LRRTM4: variants seen among roughly 807,000 people sequenced by gnomAD.
The protein encoded by LRRTM4 is leucine rich repeat transmembrane neuronal 4.
Under a neutral mutation model 47.6 loss-of-function variants are expected in LRRTM4, and 25 were observed. The observed-to-expected ratio is 0.53, with a 90% CI of 0.38 to 0.73. The LOEUF (loss-of-function observed/expected upper bound fraction) is 0.73. Among genes scored for constraint, LRRTM4 ranks in the 30% least tolerant of loss-of-function variants. LRRTM4 has a pLI of 0.00. For missense variants in LRRTM4, 638 were observed against 713.4 expected, an observed-to-expected ratio of 0.89 and a Z score of 1.20; for synonymous variants, 311 against 269.5, an observed-to-expected ratio of 1.15 and a Z score of -1.51.
rs573971006 is a variant in LRRTM4 at position 77,400,214 on chromosome 2, T to C, written c.1551+118104A>G. ...GACTTGGTAACATGATACCGTATTCTTTTTTTTCTCCATTCTAAATATTCC... is the reference window on the plus strand; with the variant it reads ...GACTTGGTAACATGATACCGTATTCCTTTTTTTCTCCATTCTAAATATTCC... On this transcript the variant is annotated intron_variant, in intron 3 of 3. Coordinates refer to ENST00000409884, the MANE Select transcript of LRRTM4 (RefSeq NM_001134745.3). Among the ~76,000 whole-genome samples, 8 of 151,310 alleles carry C rather than the reference T, an allele frequency of 5.3e-5. No individual in the cohort carries two copies. The South Asian group carries it at 1.5e-3, about 27-fold the overall frequency.
At chr2:77,074,299 G>A (rs1226766542) in intron 3 of LRRTM4, among the ~76,000 whole-genome samples, 1 of 152,024 alleles carries the variant, frequency 6.6e-6, no homozygotes, top group Non-Finnish European at 1.5e-5. Flanking sequence ...GTGTTCTTGG[G>A]CATTTGTACA....
chr2:77,176,930 C>T (rs1293817321), intron 3 of LRRTM4, among the ~76,000 whole-genome samples: 1 of 152,056 alleles, frequency 6.6e-6, no homozygotes, highest in Non-Finnish European at 1.5e-5. Context: ...AATTATAATA[C>T]ATTAATATAA....
chr2:76,961,851 A>G (rs1208935117), intron 3 of LRRTM4, among the ~76,000 whole-genome samples: 3 of 151,386 alleles, frequency 2.0e-5, no homozygotes, highest in African/African-American at 4.8e-5. Context: ...TGCTTTGTCA[A>G]TATTTAAAGC....
chr2:77,115,579 C>T (rs11679620), intron 3 of LRRTM4, among the ~76,000 whole-genome samples: 63,606 of 151,924 alleles, frequency 0.42, 14,013 homozygotes, highest in Middle Eastern at 0.52. Context: ...TCCCTCCGTT[C>T]GGGGTCCCTG....
intron 3 of LRRTM4, among the ~76,000 whole-genome samples, chr2:76,966,732 T>A (rs1676037049): frequency 6.6e-6 from 1 of 151,546 alleles, no homozygotes. Context: ...AATGACAATC[T>A]AATTACCAAT....
intron 3 of LRRTM4, among the ~76,000 whole-genome samples, chr2:76,909,668 T>A (rs1673978544): frequency 6.6e-6 from 1 of 151,510 alleles, no homozygotes; most frequent in Non-Finnish European, 1.5e-5. Context: ...AACAACCCCA[T>A]CAAAAAGTGG....
chr2:77,463,629 A>T (rs1676872616), intron 3 of LRRTM4, among the ~76,000 whole-genome samples: 1 of 152,080 alleles, frequency 6.6e-6, no homozygotes, highest in Non-Finnish European at 1.5e-5. Flanking sequence ...TATATTTTAC[A>T]CTTCTAAAAG....
chr2:77,438,334 A>G (rs1393007429), intron 3 of LRRTM4, among the ~76,000 whole-genome samples: 2 of 151,614 alleles, frequency 1.3e-5, no homozygotes, highest in Admixed American at 6.6e-5. Context: ...GGTGGAAATA[A>G]TAGTGTGTCT....
chr2:76,768,860 G>C (rs1673566117), intron 3 of LRRTM4, among the ~76,000 whole-genome samples: 1 of 152,122 alleles, frequency 6.6e-6, no homozygotes, highest in African/African-American at 2.4e-5. Context: ...GATTTGGAGA[G>C]ATTAATTGCT....
intron 3 of LRRTM4, among the ~76,000 whole-genome samples, chr2:77,050,472 T>C (rs1005404103): frequency 6.6e-6 from 1 of 152,202 alleles, no homozygotes. Context: ...AGCTTGAATC[T>C]ATGGAATCTA....
chr2:77,258,211 A>T (rs1675823431), intron 3 of LRRTM4, among the ~76,000 whole-genome samples: 1 of 152,118 alleles, frequency 6.6e-6, no homozygotes, highest in Non-Finnish European at 1.5e-5. Flanking sequence ...GCTGGTGAGG[A>T]TGTGAAGAAA....
intron 3 of LRRTM4, among the ~76,000 whole-genome samples, chr2:76,883,552 G>A (rs1238606442): frequency 1.3e-5 from 2 of 152,108 alleles, no homozygotes; most frequent in African/African-American, 2.4e-5. Context: ...TACCCAATGT[G>A]ACATGCAAAG....
chr2:77,424,800 C>G (rs1285374620), intron 3 of LRRTM4, among the ~76,000 whole-genome samples: 1 of 152,152 alleles, frequency 6.6e-6, no homozygotes, highest in Non-Finnish European at 1.5e-5. Context: ...ATATACACTC[C>G]TGGTGGAAGT....
chr2:77,129,163 T>C (rs1414548455), intron 3 of LRRTM4, among the ~76,000 whole-genome samples: 1 of 152,208 alleles, frequency 6.6e-6, no homozygotes, highest in Admixed American at 6.5e-5. Context: ...CATGTATATG[T>C]CAAGTAAGTG....
chr2:77,443,001 T>C (rs1675907174), intron 3 of LRRTM4, among the ~76,000 whole-genome samples: 2 of 152,154 alleles, frequency 1.3e-5, no homozygotes, highest in South Asian at 4.1e-4. Context: ...GCACAAGTTA[T>C]CTATTTGTAT....
chr2:77,249,878 A>G (rs1044358657), intron 3 of LRRTM4, among the ~76,000 whole-genome samples: 2 of 152,234 alleles, frequency 1.3e-5, no homozygotes. Flanking sequence ...AAATGTTTCT[A>G]GAAGGTTTAT....
At chr2:77,477,923 GAAA>G (rs1677489988) in intron 3 of LRRTM4, among the ~76,000 whole-genome samples, 1 of 82,046 alleles carries the variant, frequency 1.2e-5, no homozygotes, top group Non-Finnish European at 2.8e-5. Context: ...AAGAAAGAAA[GAAA>G]GAAAGAAAGA....
intron 3 of LRRTM4, among the ~76,000 whole-genome samples, chr2:77,284,707 T>C (rs369213937): frequency 5.1e-4 from 77 of 152,270 alleles, no homozygotes; most frequent in Middle Eastern, 3.4e-3. Context: ...AAAGTCCTTC[T>C]GTGCTCCTTT....
intron 3 of LRRTM4, among the ~76,000 whole-genome samples, chr2:77,510,747 TTGTC>T (rs1229364403): frequency 6.6e-6 from 1 of 151,996 alleles, no homozygotes; most frequent in Non-Finnish European, 1.5e-5. Flanking sequence ...TTATCTTAGT[TTGTC>T]TGCTTTATTA....
Sources: gnomAD v4.1 joint callset for allele counts (sites outside exome capture counted in the v4.1 genomes callset) on GRCh38, gnomAD v4.1.1 for gene constraint, MANE v1.5 for transcripts, NCBI Gene and HGNC (gene_info 2026-07-23, HGNC 2026-07-21) for gene names.